LRBA: variants seen among roughly 807,000 people sequenced by gnomAD.
The protein encoded by LRBA is lipopolysaccharide-responsive and beige-like anchor protein.
Under a neutral mutation model 330.0 loss-of-function variants are expected in LRBA, and 176 were observed. The ratio of observed to expected loss-of-function variants is 0.53; its 90% CI spans 0.47 to 0.60. LRBA has a LOEUF of 0.60. Ranked by LOEUF, LRBA falls within the 20% of genes least tolerant of loss-of-function variation. The pLI is 0.00. For missense variants in LRBA, 3,259 were observed against 3,444.8 expected, an observed-to-expected ratio of 0.95 and a Z score of 1.35; for synonymous variants, 1,230 against 1,193.0, an observed-to-expected ratio of 1.03 and a Z score of -0.64.
chr4:150,921,886 C>A (rs972570078), intron 4 of LRBA, among the ~76,000 whole-genome samples: 1 of 152,168 alleles, frequency 6.6e-6, no homozygotes, highest in Non-Finnish European at 1.5e-5. Flanking sequence ...CCACCACACC[C>A]GGCTAACTTT....
intron 40 of LRBA, among the ~76,000 whole-genome samples, chr4:150,505,516 T>C (rs1760936634): frequency 6.6e-6 from 1 of 152,212 alleles, no homozygotes; most frequent in South Asian, 2.1e-4. Flanking sequence ...GAAATAAAGA[T>C]GTTCTTTGAC....
intron 41 of LRBA, among the ~76,000 whole-genome samples, chr4:150,490,303 T>C (rs1007789439): frequency 4.0e-5 from 6 of 151,808 alleles, no homozygotes; most frequent in Admixed American, 3.9e-4. Context: ...TCAGTAGGTT[T>C]TACATATATT....
intron 37 of LRBA, among the ~76,000 whole-genome samples, chr4:150,614,512 G>C (rs919688886): frequency 6.6e-6 from 1 of 152,094 alleles, no homozygotes; most frequent in Non-Finnish European, 1.5e-5. Context: ...GCCTAAAATT[G>C]TCTATGATAC....
intron 26 of LRBA, among the ~76,000 whole-genome samples, chr4:150,847,697 AC>A (rs1053803718): frequency 2.0e-5 from 3 of 152,186 alleles, no homozygotes; most frequent in Non-Finnish European, 4.4e-5. Flanking sequence ...CTCGATATTT[AC>A]AACTATATAG....
At chr4:150,981,013 T>C (rs943843020) in intron 2 of LRBA, among the ~76,000 whole-genome samples, 4 of 151,846 alleles carry the variant, frequency 2.6e-5, no homozygotes, top group Non-Finnish European at 4.4e-5. Flanking sequence ...TGTTCACGGA[T>C]TGCAAGAATC....
At chr4:150,524,712 A>T (rs1037635952) in intron 40 of LRBA, among the ~76,000 whole-genome samples, 1 of 152,190 alleles carries the variant, frequency 6.6e-6, no homozygotes. Context: ...CTACAGGTAG[A>T]TTGTCCCTTC....
chr4:150,543,139 C>A (rs1055631413), intron 40 of LRBA, among the ~76,000 whole-genome samples: 6 of 152,134 alleles, frequency 3.9e-5, no homozygotes, highest in Admixed American at 6.5e-5. Flanking sequence ...CTCTCTTTCC[C>A]CCAATTAACG....
At chr4:150,621,135 G>T (rs1219410442) in intron 37 of LRBA, among the ~76,000 whole-genome samples, 1 of 151,356 alleles carries the variant, frequency 6.6e-6, no homozygotes, top group Non-Finnish European at 1.5e-5. Flanking sequence ...GAGTGCAAAA[G>T]ATTTTTTAAT....
At chr4:150,654,377 T>C (rs1458792706) in intron 37 of LRBA, among the ~76,000 whole-genome samples, 1 of 152,058 alleles carries the variant, frequency 6.6e-6, no homozygotes, top group Admixed American at 6.5e-5. Flanking sequence ...TTAGTAGAGA[T>C]GGGGCTTCAC....
At chr4:150,929,497 C>T (rs1180953231) in intron 2 of LRBA, among the ~76,000 whole-genome samples, 1 of 152,178 alleles carries the variant, frequency 6.6e-6, no homozygotes, top group African/African-American at 2.4e-5. Flanking sequence ...TCAGAGTGGT[C>T]ACACATTGGA....
chr4:150,855,074 A>G (rs1266426946), intron 22 of LRBA, among the ~76,000 whole-genome samples: 1 of 152,172 alleles, frequency 6.6e-6, no homozygotes, highest in Non-Finnish European at 1.5e-5. Flanking sequence ...CCTGGCCAAC[A>G]TGGTGAAACA....
intron 40 of LRBA, among the ~76,000 whole-genome samples, chr4:150,578,499 A>C (rs985038914): frequency 2.6e-5 from 4 of 152,196 alleles, no homozygotes; most frequent in Non-Finnish European, 5.9e-5. Context: ...TCCATTAATA[A>C]TTAAAAGTTT....
Position 150,784,332 on chromosome 4 carries a change from C to T in LRBA, c.5580+13749G>A, listed in dbSNP as rs774656490. Among the ~76,000 whole-genome samples the T allele has an allele frequency of 4.6e-5, 7 of 152,166 alleles. No individual in the cohort carries two copies. In the South Asian group the frequency reaches 6.2e-4, roughly 14 times the overall value. ...GAAACGTTTCTTGTAAAAGTCCTGG[C>T]TCTTTGAGCCTGATGGCAACCTTTG... On this transcript the variant is annotated intron_variant, in intron 34 of 56. Coordinates refer to ENST00000651943, the MANE Select transcript of LRBA (RefSeq NM_001364905.1).
chr4:150,741,961 G>A (rs896205609), intron 35 of LRBA, among the ~76,000 whole-genome samples: 12 of 151,798 alleles, frequency 7.9e-5, no homozygotes, highest in African/African-American at 1.2e-4. Flanking sequence ...ATAAACAAAC[G>A]ACCCATTCTG....
At chr4:150,550,587 T>A (rs897427851) in intron 40 of LRBA, among the ~76,000 whole-genome samples, 2 of 152,228 alleles carry the variant, frequency 1.3e-5, no homozygotes, top group African/African-American at 4.8e-5. Flanking sequence ...AATGTCATAA[T>A]AAAGTGTAAT....
chr4:150,755,677 GTTTT>G (rs1477562543), intron 35 of LRBA, among the ~76,000 whole-genome samples: 1 of 151,792 alleles, frequency 6.6e-6, no homozygotes. Context: ...AACTATGCCG[GTTTT>G]TTTATTTAAA....
intron 37 of LRBA, among the ~76,000 whole-genome samples, chr4:150,656,759 T>A (rs1457429872): frequency 6.6e-6 from 1 of 152,234 alleles, no homozygotes; most frequent in Non-Finnish European, 1.5e-5. Context: ...TTGTCTGTTT[T>A]ATTCACTACT....
intron 34 of LRBA, among the ~76,000 whole-genome samples, chr4:150,768,790 G>A (rs1176193596): frequency 1.3e-5 from 2 of 151,884 alleles, no homozygotes; most frequent in Non-Finnish European, 2.9e-5. Context: ...GGAGAAAAAC[G>A]ACTCATAGAA....
At chr4:150,860,008 G>C (rs189567233) in intron 22 of LRBA, among the ~76,000 whole-genome samples, 13 of 152,188 alleles carry the variant, frequency 8.5e-5, no homozygotes, top group Admixed American at 2.0e-4. Flanking sequence ...CCTACTTACT[G>C]AATCACTACA....
Sources: allele counts gnomAD v4.1 joint callset (sites outside exome capture counted in the v4.1 genomes callset), GRCh38; gene constraint gnomAD v4.1.1; transcripts MANE v1.5; gene names NCBI Gene and HGNC (gene_info 2026-07-23, HGNC 2026-07-21).